ATP2B2: variants seen among roughly 807,000 people sequenced by gnomAD.
The protein encoded by ATP2B2 is ATPase plasma membrane Ca2+ transporting 2, also known as plasma membrane calcium-transporting ATPase 2.
A neutral mutation model predicts 120.0 loss-of-function variants in ATP2B2; 15 were observed. The observed-to-expected ratio is 0.12, with a 90% CI of 0.08 to 0.19. The LOEUF is 0.19. Ranked by LOEUF, ATP2B2 falls within the 10% of genes least tolerant of loss-of-function variation. The pLI, the probability that ATP2B2 is intolerant of heterozygous loss-of-function variation, is 1.00. For missense variants in ATP2B2, 1,045 were observed against 1,719.8 expected (o/e 0.61, Z 6.94); for synonymous variants, 694 against 700.3 (o/e 0.99, Z 0.14).
intron 1 of ATP2B2, among the ~76,000 whole-genome samples, chr3:10,672,013 T>C (rs554690073): frequency 4.1e-4 from 63 of 152,230 alleles, no homozygotes; most frequent in Non-Finnish European, 8.8e-4. Context: ...TATGCAAATG[T>C]ATGTATTTGA....
intron 2 of ATP2B2, among the ~76,000 whole-genome samples, chr3:10,431,832 C>A (rs918604374): frequency 1.3e-5 from 2 of 152,026 alleles, no homozygotes; most frequent in East Asian, 3.9e-4. Context: ...TTAGGTTTTG[C>A]TTTTCCAAAA....
At chr3:10,595,329 C>T (rs77279966) in intron 2 of ATP2B2, among the ~76,000 whole-genome samples, 2,896 of 152,290 alleles carry the variant, frequency 0.019, 114 homozygotes, top group East Asian at 0.16. Context: ...TTAGATATTC[C>T]AGTGGGCATC....
Position 10,417,091 on chromosome 3 carries a change from C to T in ATP2B2, c.200-6276G>A, listed in dbSNP as rs572071062. On this transcript the variant is annotated intron_variant, in intron 2 of 22. Coordinates refer to ENST00000360273, the MANE Select transcript of ATP2B2 (RefSeq NM_001001331.4). ...CGGCGGGGGGGGGCGGGCAGAGGGG[C>T]TCCTCATTTCCCAGAAGGTGGGTGG... 7.0e-4 allele frequency among the ~76,000 whole-genome samples: 98 copies of T among 139,226 alleles called. 1 individual carries two copies. The highest frequency in any genetic ancestry group is 3.0e-3 in the African/African-American group (92 of 30,428). 91.3% of individuals were successfully genotyped at this position (139,226 alleles called of 152,430 possible). A position where few individuals can be genotyped will look rare whatever the true frequency, so the allele number is the denominator to read the frequency against.
At chr3:10,477,367 C>T (rs1335364555) in intron 1 of ATP2B2, among the ~76,000 whole-genome samples, 2 of 152,214 alleles carry the variant, frequency 1.3e-5, no homozygotes, top group Admixed American at 6.5e-5. Context: ...ATTTTTTCAT[C>T]TACGTTTCTC....
At chr3:10,538,658 C>T (rs1332899145) in intron 2 of ATP2B2, among the ~76,000 whole-genome samples, 3 of 152,138 alleles carry the variant, frequency 2.0e-5, no homozygotes, top group African/African-American at 7.2e-5. Context: ...CAGAAAAGGC[C>T]TTCGACAAAA....
chr3:10,593,410 C>G (rs17033177), intron 2 of ATP2B2, among the ~76,000 whole-genome samples: 98 of 152,076 alleles, frequency 6.4e-4, no homozygotes, highest in Non-Finnish European at 1.1e-3. Context: ...ACCAATACCC[C>G]GGCCTAGAAC....
intron 3 of ATP2B2, among the ~76,000 whole-genome samples, chr3:10,512,459 T>C: frequency 2.5e-5 from 2 of 80,610 alleles, no homozygotes; most frequent in East Asian, 6.2e-4. Flanking sequence ...TGCTAAAGTG[T>C]GTGCGCACAC....
At chr3:10,651,409 T>C (rs1384733352) in intron 1 of ATP2B2, among the ~76,000 whole-genome samples, 2 of 152,194 alleles carry the variant, frequency 1.3e-5, no homozygotes, top group African/African-American at 2.4e-5. Flanking sequence ...CAAGATCTGA[T>C]GGTTTTAAAA....
upstream of ATP2B2, among the ~76,000 whole-genome samples, chr3:10,507,104 C>T (rs946432153): frequency 6.6e-6 from 1 of 152,090 alleles, no homozygotes; most frequent in Non-Finnish European, 1.5e-5. Context: ...GAGGATGCTG[C>T]GAAGCTACGA....
chr3:10,645,320 TTGA>T (rs1407591089), intron 1 of ATP2B2, among the ~76,000 whole-genome samples: 10 of 152,324 alleles, frequency 6.6e-5, no homozygotes, highest in Middle Eastern at 6.8e-3. Context: ...ACTGGGGCTG[TTGA>T]TGATATGTGA....
intron 3 of ATP2B2, among the ~76,000 whole-genome samples, chr3:10,407,590 G>T (rs1310523055): frequency 6.6e-6 from 1 of 152,226 alleles, no homozygotes; most frequent in African/African-American, 2.4e-5. Context: ...TGGGGCGGAG[G>T]CGGGCAGTGG....
At chr3:10,600,657 T>C (rs1182320570) in intron 2 of ATP2B2, among the ~76,000 whole-genome samples, 2 of 152,180 alleles carry the variant, frequency 1.3e-5, no homozygotes, top group African/African-American at 4.8e-5. Context: ...ATCAGTGGGA[T>C]CTGCCGCCCC....
chr3:10,594,480 C>T (rs1238817358), intron 2 of ATP2B2, among the ~76,000 whole-genome samples: 3 of 148,734 alleles, frequency 2.0e-5, no homozygotes, highest in African/African-American at 5.0e-5. Context: ...AAAAACCAAA[C>T]ATTGCATGTT....
intron 2 of ATP2B2, among the ~76,000 whole-genome samples, chr3:10,556,010 T>G (rs2067770309): frequency 6.6e-6 from 1 of 152,180 alleles, no homozygotes; most frequent in South Asian, 2.1e-4. Flanking sequence ...GCAATTCTCT[T>G]GCCTCAGCCT....
chr3:10,406,024 G>T (rs1302362775), intron 3 of ATP2B2, among the ~76,000 whole-genome samples: 1 of 152,178 alleles, frequency 6.6e-6, no homozygotes, highest in Non-Finnish European at 1.5e-5. Context: ...AATGATGTTG[G>T]TAGAGGACTA....
chr3:10,664,456 T>C (rs2070871284), intron 1 of ATP2B2, among the ~76,000 whole-genome samples: 1 of 151,854 alleles, frequency 6.6e-6, no homozygotes, highest in Non-Finnish European at 1.5e-5. Context: ...AAGGCTGGAG[T>C]TCCTTTTCTG....
At chr3:10,593,911 T>G (rs1208349814) in intron 2 of ATP2B2, among the ~76,000 whole-genome samples, 1 of 152,052 alleles carries the variant, frequency 6.6e-6, no homozygotes, top group East Asian at 1.9e-4. Context: ...GCGGAGGATA[T>G]GAACAGACAC....
chr3:10,621,530 G>A (rs185018401), intron 1 of ATP2B2, among the ~76,000 whole-genome samples: 5 of 152,328 alleles, frequency 3.3e-5, no homozygotes, highest in Admixed American at 6.5e-5. Flanking sequence ...AGCTTGCAGC[G>A]GCCACACAGC....
At chr3:10,386,624 C>A in intron 6 of ATP2B2, 112 bp from the exon 7 acceptor site, 2 of 1,184,592 alleles carry the variant, frequency 1.7e-6, no homozygotes, top group African/African-American at 1.5e-5. Flanking sequence ...TGGCCATACA[C>A]CTAGGGTCAT....
Sources: allele counts gnomAD v4.1 joint callset (sites outside exome capture counted in the v4.1 genomes callset), GRCh38; gene constraint gnomAD v4.1.1; transcripts MANE v1.5; gene names NCBI Gene and HGNC (gene_info 2026-07-23, HGNC 2026-07-21).